KAZN: variants seen among roughly 807,000 people sequenced by gnomAD.
The protein encoded by KAZN is kazrin, periplakin interacting protein.
Under a neutral mutation model 87.4 loss-of-function variants are expected in KAZN, and 40 were observed. The observed-to-expected ratio is 0.46, with a 90% CI of 0.36 to 0.60. The LOEUF is 0.60. Ranked by LOEUF, KAZN falls within the 20% of genes least tolerant of loss-of-function variation. KAZN has a pLI of 0.00. For synonymous variants in KAZN, 466 were observed against 458.3 expected (o/e 1.02, Z -0.22); for missense variants, 898 against 1,073.9 (o/e 0.84, Z 2.29).
intron 1 of KAZN, among the ~76,000 whole-genome samples, chr1:13,922,318 A>G (rs1030674348): frequency 3.9e-5 from 6 of 152,184 alleles, no homozygotes; most frequent in African/African-American, 1.4e-4. Flanking sequence ...ACTTTGGGCC[A>G]CTTGAAAGCT....
intron 8 of KAZN, among the ~76,000 whole-genome samples, chr1:15,093,449 C>G (rs144703289): frequency 6.6e-6 from 1 of 151,902 alleles, no homozygotes; most frequent in East Asian, 1.9e-4. Context: ...GATTTTGAGG[C>G]CTCCAGATTT....
chr1:14,343,422 GA>G (rs1259003070), intron 2 of KAZN, among the ~76,000 whole-genome samples: 1 of 152,200 alleles, frequency 6.6e-6, no homozygotes, highest in African/African-American at 2.4e-5. Flanking sequence ...AGAAGTGAAA[GA>G]TAATTTTTCC....
Position 14,932,137 on chromosome 1 carries a change from G to A in KAZN, c.227-28547G>A, listed in dbSNP as rs188737350. Reference sequence around the variant, plus strand: ...TTGAGCCCCGCAGAGGAGCCAAGGCGCTGGGCAGGGTGCTAAGGAGACAGA... The same window carrying A: ...TTGAGCCCCGCAGAGGAGCCAAGGCACTGGGCAGGGTGCTAAGGAGACAGA... On this transcript the variant is annotated intron_variant, in intron 1 of 14. Transcript: ENST00000376030. Among the ~76,000 whole-genome samples, 556 of 152,294 alleles carry A rather than the reference G, an allele frequency of 3.7e-3. 2 individuals are homozygous for A. Among genetic ancestry groups the A allele is most frequent in the African/African-American group, 0.012 (498 of 41,572 alleles).
chr1:14,601,417 GC>G (rs1676970132), intron 1 of KAZN, among the ~76,000 whole-genome samples: 1 of 151,952 alleles, frequency 6.6e-6, no homozygotes, highest in Non-Finnish European at 1.5e-5. Context: ...ACATTATTTA[GC>G]CTCTGTAAGT....
At chr1:13,903,983 C>T (rs58112867) in intron 1 of KAZN, among the ~76,000 whole-genome samples, 1 of 152,088 alleles carries the variant, frequency 6.6e-6, no homozygotes, top group Non-Finnish European at 1.5e-5. Context: ...GATGCGAGCT[C>T]TAGAGAGGCA....
At chr1:15,017,495 C>T (rs1276885861) in intron 2 of KAZN, among the ~76,000 whole-genome samples, 2 of 152,008 alleles carry the variant, frequency 1.3e-5, no homozygotes, top group African/African-American at 2.4e-5. Context: ...TAGTTTTGTA[C>T]GACTGAATTT....
At chr1:14,855,388 A>G (rs540029871) in intron 1 of KAZN, among the ~76,000 whole-genome samples, 1 of 152,252 alleles carries the variant, frequency 6.6e-6, no homozygotes, top group Non-Finnish European at 1.5e-5. Flanking sequence ...TTTTGTTAAC[A>G]CCACAGCCCC....
chr1:14,598,750 TCTC>T lies in KAZN; in HGVS notation c.-241_-239del, dbSNP rs999692817. 26 of 1,336,524 alleles carry T rather than the reference TCTC, an allele frequency of 1.9e-5. No homozygotes were observed. In the Admixed American group the frequency reaches 4.2e-4, roughly 22 times the overall value. The allele number at this position is 1,336,524 out of a possible 1,614,324, so 82.8% of individuals were successfully genotyped here. ...GGCGATCGCTGCTCCTCCTCCTCCTTCTCCTCCTCTTTTTTCTCCTCCGCCTCC... is the reference window on the plus strand; with the variant it reads ...GGCGATCGCTGCTCCTCCTCCTCCTTCTCCTCTTTTTTCTCCTCCGCCTCC... On this transcript the variant is annotated 5_prime_UTR_variant, in exon 1 of 15. Transcript: ENST00000376030. The surrounding 1 kb of genome is among the most constrained non-coding windows in gnomAD (Gnocchi z 4.2).
At chr1:14,982,483 G>A (rs1004103364) in intron 2 of KAZN, among the ~76,000 whole-genome samples, 1 of 136,284 alleles carries the variant, frequency 7.3e-6, no homozygotes, top group Non-Finnish European at 1.5e-5. Context: ...AGTCTGGAGT[G>A]CAGTGGTGCA....
intron 1 of KAZN, among the ~76,000 whole-genome samples, chr1:14,771,867 GA>G (rs1390410827): frequency 1.3e-5 from 2 of 152,058 alleles, no homozygotes; most frequent in Admixed American, 6.6e-5. Context: ...TAAAGGGGTA[GA>G]AATACTGCCC....
intron 2 of KAZN, among the ~76,000 whole-genome samples, chr1:14,296,669 T>G (rs887328707): frequency 1.5e-5 from 2 of 136,402 alleles, no homozygotes; most frequent in East Asian, 2.2e-4. Flanking sequence ...AAAATCTTGC[T>G]CTGTCACCCA....
intron 2 of KAZN, among the ~76,000 whole-genome samples, chr1:14,991,841 C>A (rs978261942): frequency 1.6e-4 from 24 of 152,364 alleles, no homozygotes; most frequent in Admixed American, 6.5e-4. Flanking sequence ...ATGCTCTAAA[C>A]CCCTGACTTC....
intron 1 of KAZN, among the ~76,000 whole-genome samples, chr1:14,727,968 G>T (rs566566987): frequency 6.6e-6 from 1 of 151,866 alleles, no homozygotes; most frequent in Non-Finnish European, 1.5e-5. Context: ...TGCGCAGTTC[G>T]CAATAGGGTT....
intron 1 of KAZN, among the ~76,000 whole-genome samples, chr1:14,790,002 T>C (rs1239617330): frequency 6.6e-6 from 1 of 151,794 alleles, no homozygotes; most frequent in Non-Finnish European, 1.5e-5. Flanking sequence ...TCTTTTTTTT[T>C]CTTTTTTCTT....
At chr1:15,040,931 C>G (rs1672827206) in intron 3 of KAZN, among the ~76,000 whole-genome samples, 1 of 151,196 alleles carries the variant, frequency 6.6e-6, no homozygotes, top group Non-Finnish European at 1.5e-5. Flanking sequence ...ACCTCCCCAG[C>G]CAGACTTTTT....
chr1:15,068,661 C>T (rs1201954219), intron 8 of KAZN, among the ~76,000 whole-genome samples: 6 of 151,990 alleles, frequency 3.9e-5, no homozygotes, highest in African/African-American at 1.5e-4. Context: ...CCAGGCTTTT[C>T]CTAGCCCCAA....
intron 2 of KAZN, among the ~76,000 whole-genome samples, chr1:15,030,549 C>T (rs1449571322): frequency 6.6e-6 from 1 of 152,206 alleles, no homozygotes; most frequent in East Asian, 1.9e-4. Context: ...GCCTGAGCCA[C>T]CGCGCCTGGT....
chr1:13,962,751 T>C (rs911776537), intron 1 of KAZN, among the ~76,000 whole-genome samples: 2 of 152,172 alleles, frequency 1.3e-5, no homozygotes, highest in African/African-American at 4.8e-5. Flanking sequence ...AGAGTGAGTG[T>C]TTCACGGTGT....
chr1:14,924,018 G>A (rs1432981930), intron 1 of KAZN: 29 of 712,560 alleles, frequency 4.1e-5, no homozygotes, highest in Non-Finnish European at 4.8e-5. Context: ...GGCGCTCCCC[G>A]GGCACTGGGG....
Sources: allele counts gnomAD v4.1 joint callset (sites outside exome capture counted in the v4.1 genomes callset), GRCh38; gene constraint gnomAD v4.1.1; non-coding constraint Gnocchi (gnomAD v3.1); transcripts MANE v1.5; gene names NCBI Gene and HGNC (gene_info 2026-07-23, HGNC 2026-07-21).